The following THRB variants were observed in gnomAD, a reference collection of about 807,000 sequenced individuals.
The protein encoded by THRB is thyroid hormone receptor beta.
A neutral mutation model predicts 47.8 loss-of-function variants in THRB; 12 were observed. That is an observed-to-expected ratio of 0.25 (90% confidence interval 0.16 to 0.41). The LOEUF is 0.41. Ranked by LOEUF, THRB falls within the 10% of genes least tolerant of loss-of-function variation. The probability of loss-of-function intolerance (pLI) is 1.00; values close to 1 mark genes in which losing one functional copy is unlikely to be tolerated. For missense variants in THRB, 348 were observed against 589.2 expected, an observed-to-expected ratio of 0.59 and a Z score of 4.24; for synonymous variants, 218 against 212.2, an observed-to-expected ratio of 1.03 and a Z score of -0.24.
chr3:24,152,941 G>A (rs193265815), intron 5 of THRB, among the ~76,000 whole-genome samples: 8 of 146,952 alleles, frequency 5.4e-5, no homozygotes, highest in South Asian at 4.4e-4. Context: ...CAGCCTGGGC[G>A]ACAAGAGCGA....
chr3:24,431,272 ACACACAC>A (rs1356893982), intron 1 of THRB, among the ~76,000 whole-genome samples: 1 of 150,418 alleles, frequency 6.6e-6, no homozygotes, highest in Non-Finnish European at 1.5e-5. Context: ...ACACACACAC[ACACACAC>A]ACACACACAC....
chr3:24,124,149 A>C lies in THRB; in HGVS notation c.1145-1024T>G, dbSNP rs2032256671. ...TATTGAGGTGTCTGTATCAATAGGA[A>C]TCGAAACAGGGTTCTGCTTCATTGG... is the stretch of plus-strand genomic sequence containing the variant. On this transcript the variant is annotated intron_variant, in intron 10 of 10. Transcript: ENST00000646209. Among the ~76,000 whole-genome samples, 6 of 152,216 alleles carry C rather than the reference A, an allele frequency of 3.9e-5. No individual in the cohort carries two copies. In the South Asian group the frequency reaches 1.2e-3, roughly 32 times the overall value.
At chr3:24,409,908 G>A (rs1454594324) in intron 1 of THRB, among the ~76,000 whole-genome samples, 5 of 151,808 alleles carry the variant, frequency 3.3e-5, no homozygotes, top group Non-Finnish European at 4.4e-5. Context: ...AATCTGTCTG[G>A]TTTACCTATT....
At chr3:24,352,946 T>C (rs2063448193) in intron 1 of THRB, among the ~76,000 whole-genome samples, 1 of 152,146 alleles carries the variant, frequency 6.6e-6, no homozygotes, top group Admixed American at 6.6e-5. Flanking sequence ...AATGTAATAC[T>C]ATATTTCTTT....
At chr3:24,303,335 C>A (rs539733444) in intron 2 of THRB, among the ~76,000 whole-genome samples, 44 of 152,274 alleles carry the variant, frequency 2.9e-4, no homozygotes, top group Non-Finnish European at 5.1e-4. Context: ...AAACATGATG[C>A]CTGAAAAGTG....
chr3:24,483,584 A>G (rs538347004), intron 1 of THRB, among the ~76,000 whole-genome samples: 2 of 152,174 alleles, frequency 1.3e-5, no homozygotes, highest in African/African-American at 4.8e-5. Context: ...CATACTATGA[A>G]CTACACAGAT....
At chr3:24,386,229 G>A (rs2066091214) in intron 1 of THRB, among the ~76,000 whole-genome samples, 1 of 151,952 alleles carries the variant, frequency 6.6e-6, no homozygotes, top group Non-Finnish European at 1.5e-5. Flanking sequence ...CAATATCACA[G>A]ACAAAAACCC....
chr3:24,207,155 A>G (rs1047949067), intron 4 of THRB, among the ~76,000 whole-genome samples: 2 of 152,248 alleles, frequency 1.3e-5, no homozygotes, highest in Non-Finnish European at 2.9e-5. Context: ...TGAAGCCAGC[A>G]TCATCCTGAT....
chr3:24,419,491 C>T (rs925628367), intron 1 of THRB, among the ~76,000 whole-genome samples: 3 of 151,864 alleles, frequency 2.0e-5, no homozygotes, highest in African/African-American at 7.2e-5. Flanking sequence ...ATGATAAAAA[C>T]CTTTTTACTA....
Position 24,459,298 on chromosome 3 carries a change from C to A in THRB, c.-261+35354G>T, listed in dbSNP as rs1577723038. 3 of 152,286 alleles carry A rather than the reference C, an allele frequency of 2.0e-5. No homozygotes were observed. In the East Asian group the frequency reaches 5.8e-4, roughly 29 times the overall value. 9.4% of individuals were successfully genotyped at this position (152,286 alleles called of 1,614,324 possible). On this transcript the variant is annotated intron_variant, in intron 1 of 10. Transcript: ENST00000646209. ...GTCCCTGCAAAGGACATGAACTCATCCTTTTTATGACTGCATAGTATTCCA... is the reference window on the plus strand; with the variant it reads ...GTCCCTGCAAAGGACATGAACTCATACTTTTTATGACTGCATAGTATTCCA...
At chr3:24,463,639 G>A (rs17194982) in intron 1 of THRB, among the ~76,000 whole-genome samples, 41,120 of 152,046 alleles carry the variant, frequency 0.27, 5,937 homozygotes, top group South Asian at 0.35. Context: ...GCTACATAAA[G>A]CAAGTTTAAA....
At chr3:24,407,486 T>C (rs1196724328) in intron 1 of THRB, among the ~76,000 whole-genome samples, 1 of 151,856 alleles carries the variant, frequency 6.6e-6, no homozygotes, top group Non-Finnish European at 1.5e-5. Context: ...TCTAGTGAGT[T>C]AGTGTGACAT....
At chr3:24,342,317 A>G (rs2062720902) in intron 1 of THRB, among the ~76,000 whole-genome samples, 1 of 152,160 alleles carries the variant, frequency 6.6e-6, no homozygotes, top group South Asian at 2.1e-4. Context: ...TTGATTACGT[A>G]AGTGAAGGAA....
chr3:24,446,779 T>C (rs1204808884), intron 1 of THRB, among the ~76,000 whole-genome samples: 1 of 152,182 alleles, frequency 6.6e-6, no homozygotes, highest in East Asian at 1.9e-4. Flanking sequence ...GGCTGAATCA[T>C]GGTCCTCAGA....
At chr3:24,443,105 C>T (rs2071712647) in intron 1 of THRB, among the ~76,000 whole-genome samples, 1 of 152,050 alleles carries the variant, frequency 6.6e-6, no homozygotes, top group Non-Finnish European at 1.5e-5. Context: ...TTGCTTGAAC[C>T]TGGGAGGCAG....
chr3:24,467,488 C>T (rs9832894), intron 1 of THRB, among the ~76,000 whole-genome samples: 3,444 of 152,218 alleles, frequency 0.023, 111 homozygotes, highest in African/African-American at 0.077. Context: ...CAGCTATAGC[C>T]TTAAGAAATG....
chr3:24,271,056 G>A (rs781428657), intron 3 of THRB, among the ~76,000 whole-genome samples: 1 of 152,118 alleles, frequency 6.6e-6, no homozygotes, highest in Non-Finnish European at 1.5e-5. Context: ...CTAGGCATGT[G>A]AGGATAACTT....
At chr3:24,374,536 G>A (rs1175851923) in intron 1 of THRB, among the ~76,000 whole-genome samples, 1 of 151,754 alleles carries the variant, frequency 6.6e-6, no homozygotes, top group Non-Finnish European at 1.5e-5. Context: ...TAGACTTCAG[G>A]GCTGATACTA....
At position 24,146,659 on chromosome 3, in the gene THRB, G is replaced by T; in HGVS notation, c.532+16C>A. On this transcript the variant is annotated intron_variant, in intron 7 of 10. Coordinates refer to ENST00000646209, the MANE Select transcript of THRB (RefSeq NM_001354712.2). ...TCAACATTCCTTGAATATGAAGCAA[G>T]TGAAGATCTACTTACAATCTGTTGC... is the stretch of plus-strand genomic sequence containing the variant. 6.2e-7 allele frequency: 1 copy of T among 1,613,814 alleles called. No homozygotes were observed. Among genetic ancestry groups the T allele is most frequent in the East Asian group, 2.2e-5 (1 of 44,874 alleles).
Sources: gnomAD v4.1 joint callset for allele counts (sites outside exome capture counted in the v4.1 genomes callset) on GRCh38, gnomAD v4.1.1 for gene constraint, MANE v1.5 for transcripts, NCBI Gene and HGNC (gene_info 2026-07-23, HGNC 2026-07-21) for gene names.